Variants in ARHGAP28 observed in about 807,000 individuals in gnomAD.
ARHGAP28 encodes the protein Rho GTPase activating protein 28.
A neutral mutation model predicts 90.7 loss-of-function variants in ARHGAP28; 56 were observed. The ratio of observed to expected loss-of-function variants is 0.62; its 90% confidence interval spans 0.50 to 0.77. The LOEUF (loss-of-function observed/expected upper bound fraction) is 0.77. Ranked by LOEUF, ARHGAP28 falls within the 30% of genes least tolerant of loss-of-function variation. The pLI is 0.00. For synonymous variants in ARHGAP28, 308 were observed against 323.3 expected, an observed-to-expected ratio of 0.95 and a Z score of 0.51; for missense variants, 869 against 900.9, an observed-to-expected ratio of 0.96 and a Z score of 0.45.
At chr18:6,752,343 A>C (rs1180061644) in intron 1 of ARHGAP28, among the ~76,000 whole-genome samples, 1 of 152,236 alleles carries the variant, frequency 6.6e-6, no homozygotes, top group Non-Finnish European at 1.5e-5. Flanking sequence ...GAGCATTATT[A>C]TAAATTATTG....
chr18:6,911,836 A>G (rs2057401016), intron 17 of ARHGAP28, among the ~76,000 whole-genome samples: 1 of 152,110 alleles, frequency 6.6e-6, no homozygotes, highest in Non-Finnish European at 1.5e-5. Context: ...TTTGTTTGAT[A>G]TACCCATACT....
At chr18:6,895,457 T>C (rs539750469) in intron 15 of ARHGAP28, among the ~76,000 whole-genome samples, 4 of 152,232 alleles carry the variant, frequency 2.6e-5, no homozygotes, top group Non-Finnish European at 5.9e-5. Context: ...TATGATTCTT[T>C]CACAGTTCTT....
intron 17 of ARHGAP28, among the ~76,000 whole-genome samples, chr18:6,910,464 C>T (rs2057389944): frequency 6.6e-6 from 1 of 152,128 alleles, no homozygotes; most frequent in South Asian, 2.1e-4. Context: ...TAAATCCAAT[C>T]ACCTGACAGG....
At chr18:6,839,514 G>A (rs1355582514) in intron 3 of ARHGAP28, among the ~76,000 whole-genome samples, 1 of 152,058 alleles carries the variant, frequency 6.6e-6, no homozygotes, top group Admixed American at 6.5e-5. Context: ...AGCCAGGATG[G>A]TCTCGATTTC....
Position 6,887,230 on chromosome 18 carries a change from T to A in ARHGAP28, c.1527T>A (p.Asp509Glu), listed in dbSNP as rs2057228964. The change falls in exon 12 of 18, where the codon GAT becomes GAA. Residue 509 changes from aspartate to glutamate, a missense_variant. Transcript: ENST00000383472. Reference protein sequence around the residue: ...MVMALPDANRDAAQALMTFFN... With the variant: ...MVMALPDANREAAQALMTFFN... ...TGGCGCTGCCTGATGCCAACAGAGATGCAGCTCAGGTACGTCGTGTCCACC... is the reference window on the plus strand; with the variant it reads ...TGGCGCTGCCTGATGCCAACAGAGAAGCAGCTCAGGTACGTCGTGTCCACC... 6.2e-7 allele frequency: 1 copy of A among 1,613,980 alleles called. No homozygotes were observed. The highest frequency in any genetic ancestry group is 1.7e-5 in the Admixed American group (1 of 59,994).
At chr18:6,872,123 C>A (rs1337873469) in intron 7 of ARHGAP28, among the ~76,000 whole-genome samples, 1 of 152,168 alleles carries the variant, frequency 6.6e-6, no homozygotes, top group Non-Finnish European at 1.5e-5. Context: ...AGGGGGAGCC[C>A]CTCCTTATCT....
intron 11 of ARHGAP28, among the ~76,000 whole-genome samples, chr18:6,883,988 TTC>T (rs1201766974): frequency 3.3e-5 from 5 of 152,206 alleles, no homozygotes; most frequent in South Asian, 2.1e-4. Context: ...TTAAAATACT[TTC>T]TGTTTTTCTG....
At chr18:6,848,894 T>C (rs1422282930) in intron 3 of ARHGAP28, among the ~76,000 whole-genome samples, 2 of 152,060 alleles carry the variant, frequency 1.3e-5, no homozygotes, top group African/African-American at 4.8e-5. Flanking sequence ...GGCAAAATAT[T>C]CTCTCACTTG....
At chr18:6,906,284 A>C (rs1211015241) in intron 16 of ARHGAP28, among the ~76,000 whole-genome samples, 1 of 152,200 alleles carries the variant, frequency 6.6e-6, no homozygotes, top group Non-Finnish European at 1.5e-5. Context: ...ATTGTAAACT[A>C]TACATAACAT....
intron 5 of ARHGAP28, among the ~76,000 whole-genome samples, chr18:6,865,568 T>C (rs2143455244): frequency 6.6e-6 from 1 of 152,278 alleles, no homozygotes; most frequent in Admixed American, 6.5e-5. Flanking sequence ...ACTCAAACCA[T>C]GGGCAAAAAC....
chr18:6,730,805 G>A (rs75125802), intron 1 of ARHGAP28, among the ~76,000 whole-genome samples: 6,119 of 152,218 alleles, frequency 0.04, 417 homozygotes, highest in African/African-American at 0.14. Flanking sequence ...ATCCACTGAC[G>A]AGTGCTTTTC....
rs1267132431 is a variant in ARHGAP28, at chr18:6,913,613, A to G, written c.*1459A>G. 3.0e-5 allele frequency: 2 copies of G among 66,256 alleles called. No homozygotes were observed. The highest frequency in any genetic ancestry group is 1.0e-4 in the African/African-American group (2 of 19,154). 4.1% of individuals were successfully genotyped at this position (66,256 alleles called of 1,614,324 possible). ...ATATTTAAGCCCATTTGTAGAAGAA[A>G]TCTTGTATATACTATTATTACACCT... is the stretch of plus-strand genomic sequence containing the variant. On this transcript the variant is annotated 3_prime_UTR_variant, in exon 18 of 18. Transcript: ENST00000383472.
intron 15 of ARHGAP28, 122 bp downstream of exon 15, chr18:6,895,013 T>C: frequency 9.9e-7 from 1 of 1,006,000 alleles, no homozygotes; most frequent in East Asian, 2.4e-5. Context: ...ATTTTCAATG[T>C]GGCACATAAA....
intron 3 of ARHGAP28, among the ~76,000 whole-genome samples, chr18:6,848,343 C>T (rs1273277433): frequency 1.3e-5 from 2 of 152,092 alleles, no homozygotes; most frequent in Non-Finnish European, 2.9e-5. Context: ...CCTTTATCTT[C>T]TCTTCTTCCC....
At chr18:6,867,411 A>T (rs1004371871) in intron 5 of ARHGAP28, among the ~76,000 whole-genome samples, 2 of 152,142 alleles carry the variant, frequency 1.3e-5, no homozygotes, top group Non-Finnish European at 2.9e-5. Context: ...ATTCACAGAG[A>T]ACTCCCACAT....
intron 12 of ARHGAP28, among the ~76,000 whole-genome samples, chr18:6,888,350 A>G (rs1380160077): frequency 1.5e-5 from 2 of 130,594 alleles, no homozygotes; most frequent in Non-Finnish European, 3.4e-5. Flanking sequence ...GATAAGGATG[A>G]GTTGAAAAGA....
intron 5 of ARHGAP28, among the ~76,000 whole-genome samples, chr18:6,860,426 C>T (rs1375181297): frequency 6.6e-6 from 1 of 152,044 alleles, no homozygotes; most frequent in Non-Finnish European, 1.5e-5. Flanking sequence ...TTTGTCATTC[C>T]CCCTCCCGTC....
chr18:6,795,476 A>C (rs1231657641), intron 1 of ARHGAP28, among the ~76,000 whole-genome samples: 1 of 152,166 alleles, frequency 6.6e-6, no homozygotes, highest in Non-Finnish European at 1.5e-5. Flanking sequence ...TTTGCTCTAG[A>C]CCAGGGATTG....
chr18:6,873,375 C>T, intron 7 of ARHGAP28, 34 bp from the exon 8 acceptor site: 1 of 1,576,846 alleles, frequency 6.3e-7, no homozygotes, highest in Non-Finnish European at 8.6e-7. Flanking sequence ...TTTCCTTTGC[C>T]ATAAAAAATA....
Sources: allele counts gnomAD v4.1 joint callset (sites outside exome capture counted in the v4.1 genomes callset), GRCh38; gene constraint gnomAD v4.1.1; transcripts MANE v1.5; gene names NCBI Gene and HGNC (gene_info 2026-07-23, HGNC 2026-07-21).